PRKCA: variants seen among roughly 807,000 people sequenced by gnomAD.
The protein encoded by PRKCA is protein kinase C alpha type.
PRKCA carries 27 observed loss-of-function variants against 87.0 expected under a neutral mutation model. The ratio of observed to expected loss-of-function variants is 0.31; its 90% CI spans 0.23 to 0.43. The LOEUF (loss-of-function observed/expected upper bound fraction) is 0.43. PRKCA is among the 20% of genes least tolerant of loss of function. PRKCA has a pLI of 1.00. For missense variants in PRKCA, 518 were observed against 852.3 expected (o/e 0.61, Z 4.88); for synonymous variants, 329 against 311.1 (o/e 1.06, Z -0.61).
chr17:66,473,120 C>T (rs1915392940), intron 2 of PRKCA, among the ~76,000 whole-genome samples: 1 of 152,150 alleles, frequency 6.6e-6, no homozygotes, highest in South Asian at 2.1e-4. Context: ...TCCTTCTTCT[C>T]CTGCTCCAGT....
At chr17:66,495,787 T>C (rs919616764) in intron 2 of PRKCA, among the ~76,000 whole-genome samples, 1 of 152,062 alleles carries the variant, frequency 6.6e-6, no homozygotes, top group Admixed American at 6.6e-5. Context: ...CAGGCTGCTC[T>C]TGAACTCCTG....
At chr17:66,371,431 G>T (rs565751583) in intron 2 of PRKCA, among the ~76,000 whole-genome samples, 3 of 152,318 alleles carry the variant, frequency 2.0e-5, no homozygotes, top group Non-Finnish European at 2.9e-5. Flanking sequence ...GAAACCGGGG[G>T]TGAGATTTGA....
At chr17:66,644,200 G>A (rs1171820123) in intron 4 of PRKCA, among the ~76,000 whole-genome samples, 1 of 152,214 alleles carries the variant, frequency 6.6e-6, no homozygotes, top group Non-Finnish European at 1.5e-5. Context: ...TTGTGAATTA[G>A]CTAATTGTTC....
At chr17:66,329,819 C>A (rs1161334589) in intron 2 of PRKCA, among the ~76,000 whole-genome samples, 1 of 152,158 alleles carries the variant, frequency 6.6e-6, no homozygotes, top group African/African-American at 2.4e-5. Flanking sequence ...ATTGTTCAGT[C>A]AAACACACCC....
intron 8 of PRKCA, among the ~76,000 whole-genome samples, chr17:66,699,559 C>T (rs959616942): frequency 6.6e-6 from 1 of 152,148 alleles, no homozygotes; most frequent in Non-Finnish European, 1.5e-5. Context: ...AAAGAAAAGC[C>T]CAATGCCTAC....
intron 8 of PRKCA, among the ~76,000 whole-genome samples, chr17:66,702,716 C>T (rs1973093891): frequency 6.6e-6 from 1 of 152,138 alleles, no homozygotes; most frequent in Non-Finnish European, 1.5e-5. Context: ...TTAGTCATGC[C>T]TCTATACAGG....
chr17:66,763,395 A>C (rs552339024), intron 13 of PRKCA, among the ~76,000 whole-genome samples: 9 of 152,166 alleles, frequency 5.9e-5, no homozygotes, highest in Non-Finnish European at 1.3e-4. Flanking sequence ...ACAGTTATCA[A>C]ACCCAAGATC....
intron 12 of PRKCA, among the ~76,000 whole-genome samples, chr17:66,742,344 A>G (rs1036147622): frequency 8.5e-5 from 13 of 152,204 alleles, no homozygotes; most frequent in African/African-American, 2.9e-4. Flanking sequence ...GCTCAATTGG[A>G]ATCTCTAGAG....
At position 66,804,645 on chromosome 17, in the gene PRKCA, AC is replaced by A. The variant is rs1428428427; in HGVS notation, c.*610del. On this transcript the variant is annotated 3_prime_UTR_variant, in exon 17 of 17. Transcript: ENST00000413366. ...CTAACCCAACCATGGTCCAGCAGTT[AC>A]CAGTTTAAACAAAAAAACCTCAGAT... The A allele has an allele frequency of 1.3e-5, 2 of 149,082 alleles. No individual in the cohort carries two copies. The highest frequency in any genetic ancestry group is 1.5e-5 in the Non-Finnish European group (1 of 67,516). The allele number at this position is 149,082 out of a possible 1,614,324, so 9.2% of individuals were successfully genotyped here.
At chr17:66,735,920 C>CTTTTTTTTTTTTTTTTTTTTTTTT (rs5821508) in intron 10 of PRKCA, among the ~76,000 whole-genome samples, 2 of 122,116 alleles carry the variant, frequency 1.6e-5, no homozygotes, top group African/African-American at 3.2e-5. Context: ...TTCTTTCTTT[C>CTTTTTTTTTTTTTTTTTTTTTTTT]TTTTTTTTTT....
chr17:66,649,716 T>C (rs183439891), intron 5 of PRKCA, among the ~76,000 whole-genome samples: 24 of 152,308 alleles, frequency 1.6e-4, no homozygotes, highest in Admixed American at 2.6e-4. Flanking sequence ...CAAAGTTTTT[T>C]GAGGTCACGG....
At chr17:66,672,961 T>C (rs960611) in intron 5 of PRKCA, among the ~76,000 whole-genome samples, 70,858 of 152,026 alleles carry the variant, frequency 0.47, 16,859 homozygotes, top group Non-Finnish European at 0.5. Context: ...CTTCTTTATA[T>C]TTTTATGTCT....
At chr17:66,709,974 T>A (rs1033410154) in intron 8 of PRKCA, among the ~76,000 whole-genome samples, 1 of 152,202 alleles carries the variant, frequency 6.6e-6, no homozygotes. Flanking sequence ...ATGTGCTACC[T>A]CAAACGAGTC....
At chr17:66,510,024 T>A (rs762745948) in intron 3 of PRKCA, among the ~76,000 whole-genome samples, 12 of 152,240 alleles carry the variant, frequency 7.9e-5, no homozygotes, top group Non-Finnish European at 1.3e-4. Context: ...TGTTTTGTTT[T>A]GTTTGAGACT....
chr17:66,349,723 C>T (rs1052911257), intron 2 of PRKCA, among the ~76,000 whole-genome samples: 2 of 152,140 alleles, frequency 1.3e-5, no homozygotes, highest in Admixed American at 6.5e-5. Flanking sequence ...ATTCATTCCT[C>T]CAATAGAACA....
At chr17:66,779,411 T>G (rs1043278901) in intron 14 of PRKCA, among the ~76,000 whole-genome samples, 2 of 152,250 alleles carry the variant, frequency 1.3e-5, no homozygotes, top group African/African-American at 4.8e-5. Flanking sequence ...TGCCTGCAAG[T>G]GTTCTCGGTG....
intron 5 of PRKCA, among the ~76,000 whole-genome samples, chr17:66,647,501 C>T (rs1464547559): frequency 6.6e-6 from 1 of 152,218 alleles, no homozygotes; most frequent in Non-Finnish European, 1.5e-5. Context: ...ATGTGCTATG[C>T]ATGCTGGACA....
intron 13 of PRKCA, among the ~76,000 whole-genome samples, chr17:66,748,848 G>A (rs1046045745): frequency 1.3e-5 from 2 of 152,064 alleles, no homozygotes; most frequent in African/African-American, 2.4e-5. Flanking sequence ...CGGGAAGGAG[G>A]GAGGGAGAAA....
chr17:66,394,214 G>C (rs1316714148), intron 2 of PRKCA, among the ~76,000 whole-genome samples: 1 of 152,186 alleles, frequency 6.6e-6, no homozygotes, highest in Non-Finnish European at 1.5e-5. Context: ...TGAAAGCAGA[G>C]GCCCACAGAA....
Sources: gnomAD v4.1 joint callset for allele counts (sites outside exome capture counted in the v4.1 genomes callset) on GRCh38, gnomAD v4.1.1 for gene constraint, MANE v1.5 for transcripts, NCBI Gene and HGNC (gene_info 2026-07-23, HGNC 2026-07-21) for gene names.